The following MAOA variants were observed in gnomAD, a reference collection of about 807,000 sequenced individuals.
MAOA encodes the protein monoamine oxidase A.
A neutral mutation model predicts 42.0 loss-of-function variants in MAOA; 6 were observed. That is an observed-to-expected ratio of 0.14 (90% CI 0.08 to 0.28). MAOA has a LOEUF of 0.28. Among genes scored for constraint, MAOA ranks in the 10% least tolerant of loss-of-function variants. The probability of loss-of-function intolerance (pLI) is 1.00; values close to 1 mark genes in which losing one functional copy is unlikely to be tolerated. For missense variants in MAOA, 262 were observed against 422.3 expected (o/e 0.62, Z 3.33); for synonymous variants, 140 against 154.0 (o/e 0.91, Z 0.67).
At chrX:43,692,035 ACACG>A (rs71944092) in intron 2 of MAOA, among the ~76,000 whole-genome samples, 40,868 of 89,500 alleles carry the variant, frequency 0.46, 6,467 homozygotes, top group Non-Finnish European at 0.53. Flanking sequence ...ACACACACAC[ACACG>A]CACGCACACA....
At chrX:43,711,264 A>C (rs1451308738) in intron 3 of MAOA, among the ~76,000 whole-genome samples, 1 of 112,302 alleles carries the variant, frequency 8.9e-6, no homozygotes, top group Non-Finnish European at 1.9e-5. Flanking sequence ...GAAAGAAACC[A>C]GGATACTACC....
At chrX:43,691,609 G>T (rs1308719417) in intron 2 of MAOA, among the ~76,000 whole-genome samples, 1 of 111,310 alleles carries the variant, frequency 9.0e-6, no homozygotes, top group Non-Finnish European at 1.9e-5. Flanking sequence ...TCTAGTTTAA[G>T]ATTTTCCCTA....
At chrX:43,724,901 A>C (rs957790363) in intron 5 of MAOA, among the ~76,000 whole-genome samples, 19 of 112,111 alleles carry the variant, frequency 1.7e-4, no homozygotes, top group African/African-American at 6.2e-4. Context: ...TTCAAAGAAC[A>C]TCTTTATTTC....
At chrX:43,655,996 G>A, upstream of MAOA, 1 of 261,688 alleles carries the variant, frequency 3.8e-6, no homozygotes, top group East Asian at 7.8e-5. Context: ...CTGACACTCC[G>A]CGGGGTTCAA....
Position 43,731,236 on chromosome X carries a change from T to C in MAOA, c.646-5T>C. 1 of 1,209,102 alleles carries C rather than the reference T, an allele frequency of 8.3e-7. No individual in the cohort carries two copies. Among genetic ancestry groups the C allele is most frequent in the Non-Finnish European group, 1.1e-6 (1 of 893,130 alleles). ...GTTTCCTTTCTTACCTACCTCCTCCTGTAGGAACGGAAGTTTGTAGGTGGA... is the reference window on the plus strand; with the variant it reads ...GTTTCCTTTCTTACCTACCTCCTCCCGTAGGAACGGAAGTTTGTAGGTGGA... On this transcript the variant is annotated splice_region_variant and splice_polypyrimidine_tract_variant and intron_variant, in intron 6 of 14. Coordinates refer to ENST00000338702, the MANE Select transcript of MAOA (RefSeq NM_000240.4).
At chrX:43,698,868 A>C (rs2033600491) in intron 3 of MAOA, among the ~76,000 whole-genome samples, 1 of 112,283 alleles carries the variant, frequency 8.9e-6, no homozygotes, top group African/African-American at 3.2e-5. Context: ...ATTAACATAA[A>C]TTAATCATAT....
intron 2 of MAOA, among the ~76,000 whole-genome samples, chrX:43,691,379 A>T (rs1467761565): frequency 6.3e-5 from 7 of 111,138 alleles, no homozygotes; most frequent in Non-Finnish European, 1.1e-4. Flanking sequence ...GTCTCAAAAA[A>T]AAAAAATAAA....
intron 9 of MAOA, among the ~76,000 whole-genome samples, chrX:43,734,733 G>A (rs1449541061): frequency 8.9e-6 from 1 of 111,897 alleles, no homozygotes. Context: ...ACCAAAGTAA[G>A]TTAAAGCTTA....
intron 3 of MAOA, among the ~76,000 whole-genome samples, chrX:43,710,870 G>A (rs1435512867): frequency 8.9e-6 from 1 of 112,356 alleles, no homozygotes; most frequent in African/African-American, 3.2e-5. Flanking sequence ...GAAAGGAAAT[G>A]AGAGGACCTA....
chrX:43,723,221 T>C (rs774212322), intron 5 of MAOA, among the ~76,000 whole-genome samples: 196 of 111,804 alleles, frequency 1.8e-3, no homozygotes, highest in African/African-American at 6.0e-3. Flanking sequence ...TCCAATTCTG[T>C]GAAGAAAGTC....
chrX:43,713,848 G>C (rs748691408), intron 5 of MAOA, among the ~76,000 whole-genome samples: 7 of 111,863 alleles, frequency 6.3e-5, no homozygotes, highest in South Asian at 3.8e-4. Context: ...ATCGGGGCAG[G>C]GGGGAGTCAG....
At chrX:43,720,885 G>A (rs1194168053) in intron 5 of MAOA, among the ~76,000 whole-genome samples, 1 of 108,441 alleles carries the variant, frequency 9.2e-6, no homozygotes, top group Non-Finnish European at 1.9e-5. Context: ...GTATCTACTA[G>A]GAATGACTTT....
chrX:43,722,650 GATA>G (rs2033800552), intron 5 of MAOA, among the ~76,000 whole-genome samples: 1 of 111,609 alleles, frequency 9.0e-6, no homozygotes, highest in Non-Finnish European at 1.9e-5. Flanking sequence ...TGTTAATTCT[GATA>G]ATAATTTATT....
chrX:43,656,354 G>C lies in MAOA; in HGVS notation c.13G>C (p.Glu5Gln), dbSNP rs775694295. The C allele has an allele frequency of 1.5e-5, 18 of 1,211,633 alleles. No individual in the cohort carries two copies. The highest frequency in any genetic ancestry group is 1.9e-5 in the Non-Finnish European group (17 of 895,249). ...TGTCAGCCAAAGCATGGAGAATCAA[G>C]AGAAGGCGAGTATCGCGGGCCACAT... is the stretch of plus-strand genomic sequence containing the variant. MENQ[E>Q]KASIAGHMFD... The change falls in exon 1 of 15, where the codon GAG (glutamate) becomes CAG (glutamine). Residue 5 changes from glutamate to glutamine, a missense_variant. Coordinates refer to ENST00000338702, the MANE Select transcript of MAOA (RefSeq NM_000240.4).
At chrX:43,703,308 T>C (rs975675240) in intron 3 of MAOA, among the ~76,000 whole-genome samples, 2 of 111,937 alleles carry the variant, frequency 1.8e-5, no homozygotes, top group African/African-American at 6.5e-5. Flanking sequence ...CTTTGCCCTT[T>C]GCCCCTCTCT....
intron 12 of MAOA, among the ~76,000 whole-genome samples, chrX:43,743,087 G>T (rs534826916): frequency 9.0e-6 from 1 of 110,584 alleles, no homozygotes; most frequent in Non-Finnish European, 1.9e-5. Context: ...CCATCAGGGT[G>T]GGGGGCAGGA....
rs112347127 is a variant in MAOA at position 43,681,528 on chromosome X, T to C, written c.74-1985T>C. ...TAGCTAAATTGTTATTGAAAAAAAA[T>C]GTGAAGTTCTTTTTTATCTTTAGGA... On this transcript the variant is annotated intron_variant, in intron 1 of 14. Coordinates refer to ENST00000338702, the MANE Select transcript of MAOA (RefSeq NM_000240.4). Among the ~76,000 whole-genome samples the C allele has an allele frequency of 3.1e-3, 346 of 111,419 alleles. 3 individuals carry two copies. The highest frequency in any genetic ancestry group is 5.8e-3 in the Non-Finnish European group (309 of 53,068).
At chrX:43,695,318 C>T (rs950691995) in intron 3 of MAOA, among the ~76,000 whole-genome samples, 6 of 111,924 alleles carry the variant, frequency 5.4e-5, no homozygotes, top group Admixed American at 1.9e-4. Flanking sequence ...ACTCTTCTTC[C>T]AGTTTCATGT....
At chrX:43,731,444 C>T (rs1166611359) in intron 7 of MAOA, 54 bp downstream of exon 7, 9 of 1,100,061 alleles carry the variant, frequency 8.2e-6, no homozygotes, top group Non-Finnish European at 1.1e-5. Context: ...GTGTCTTTTG[C>T]AGTTTCTAAC....
Sources: allele counts gnomAD v4.1 joint callset (sites outside exome capture counted in the v4.1 genomes callset), GRCh38; gene constraint gnomAD v4.1.1; transcripts MANE v1.5; gene names NCBI Gene and HGNC (gene_info 2026-07-23, HGNC 2026-07-21).